KALRN: variants seen among roughly 807,000 people sequenced by gnomAD.
KALRN encodes kalirin RhoGEF kinase, also known as kalirin.
A neutral mutation model predicts 353.7 loss-of-function variants in KALRN; 70 were observed. The observed-to-expected ratio is 0.20, with a 90% CI of 0.16 to 0.24. The LOEUF (loss-of-function observed/expected upper bound fraction) is 0.24, where lower values mean the gene tolerates loss of function less well. KALRN is among the 10% of genes least tolerant of loss of function. The probability of loss-of-function intolerance (pLI) is 1.00; values close to 1 mark genes in which losing one functional copy is unlikely to be tolerated. For missense variants in KALRN, 2,791 were observed against 3,756.7 expected, an observed-to-expected ratio of 0.74 and a Z score of 6.72; for synonymous variants, 1,391 against 1,434.8, an observed-to-expected ratio of 0.97 and a Z score of 0.69.
intron 37 of KALRN, among the ~76,000 whole-genome samples, chr3:124,645,036 G>T (rs995472769): frequency 6.6e-6 from 1 of 152,162 alleles, no homozygotes; most frequent in Admixed American, 6.5e-5. Context: ...GCGTGAGATG[G>T]TATCTTATTG....
At chr3:124,560,128 G>A (rs1464207836) in intron 33 of KALRN, among the ~76,000 whole-genome samples, 4 of 152,236 alleles carry the variant, frequency 2.6e-5, no homozygotes, top group African/African-American at 7.2e-5. Flanking sequence ...CCATGGGTCT[G>A]ATTGTAACCC....
chr3:124,137,385 G>A (rs1355120190), intron 1 of KALRN, among the ~76,000 whole-genome samples: 1 of 152,142 alleles, frequency 6.6e-6, no homozygotes, highest in Non-Finnish European at 1.5e-5. Flanking sequence ...GGTCCTGGCA[G>A]GATGAGTGAG....
intron 34 of KALRN, among the ~76,000 whole-genome samples, chr3:124,620,729 G>A (rs900485426): frequency 2.6e-5 from 4 of 152,170 alleles, no homozygotes; most frequent in African/African-American, 7.2e-5. Context: ...TCAGAGCAGC[G>A]GCCTTGTGTT....
chr3:124,709,290 T>C (rs753258758), intron 57 of KALRN, among the ~76,000 whole-genome samples: 2 of 152,168 alleles, frequency 1.3e-5, no homozygotes, highest in Non-Finnish European at 2.9e-5. Flanking sequence ...TATTTATTTA[T>C]TTATTTAGAC....
chr3:124,033,588 C>G lies in KALRN; in HGVS notation c.-153C>G, dbSNP rs1274456406. On this transcript the variant is annotated 5_prime_UTR_variant, in exon 1 of 60. Coordinates refer to ENST00000682506, the MANE Select transcript of KALRN (RefSeq NM_001388419.1). This position sits in a 1 kb window ranked among gnomAD's most constrained non-coding sequence, Gnocchi z 6.2. ...GAGGCTCAGCGTCCTCTGCCCCAGC[C>G]CCGCCGCCCAACGCCCGCCCTCGAA... Among the ~76,000 whole-genome samples, 1 of 151,458 alleles carries G rather than the reference C, an allele frequency of 6.6e-6. No individual in the cohort carries two copies. Among genetic ancestry groups the G allele is most frequent in the East Asian group, 2.0e-4 (1 of 5,074 alleles).
intron 5 of KALRN, among the ~76,000 whole-genome samples, chr3:124,271,336 G>A (rs2074144730): frequency 6.6e-6 from 1 of 152,148 alleles, no homozygotes; most frequent in Non-Finnish European, 1.5e-5. Flanking sequence ...AAGGACATGG[G>A]AAGCCTGCAT....
chr3:124,408,764 T>A (rs663513), intron 13 of KALRN, among the ~76,000 whole-genome samples: 106,490 of 151,830 alleles, frequency 0.7, 37,678 homozygotes, highest in East Asian at 0.86. Context: ...GCAGATACAG[T>A]TCAAAACATC....
Position 124,280,066 on chromosome 3 carries a change from C to T in KALRN, c.969+10811C>T, listed in dbSNP as rs186599568. Reference sequence around the variant, plus strand: ...AGAGCACAACAGAGAGTCAGAAGTCCATGGAATAACCAGTGGACCACGAGG... The same window carrying T: ...AGAGCACAACAGAGAGTCAGAAGTCTATGGAATAACCAGTGGACCACGAGG... On this transcript the variant is annotated intron_variant, in intron 5 of 59. Coordinates refer to ENST00000682506, the MANE Select transcript of KALRN (RefSeq NM_001388419.1). Among the ~76,000 whole-genome samples the T allele has an allele frequency of 4.6e-4, 70 of 152,290 alleles. No individual in the cohort carries two copies. In the East Asian group the frequency reaches 0.011, roughly 24 times the overall value.
intron 3 of KALRN, among the ~76,000 whole-genome samples, chr3:124,257,595 T>C (rs2072203809): frequency 6.6e-6 from 1 of 152,104 alleles, no homozygotes; most frequent in African/African-American, 2.4e-5. Flanking sequence ...CCCTGGAGAG[T>C]CTATGAAACA....
chr3:124,311,875 T>C (rs376316803), intron 6 of KALRN, among the ~76,000 whole-genome samples: 1 of 152,344 alleles, frequency 6.6e-6, no homozygotes, highest in African/African-American at 2.4e-5. Flanking sequence ...TGAAAACATT[T>C]TGCTAAGTGA....
At chr3:124,117,028 C>G (rs1480570863) in intron 1 of KALRN, among the ~76,000 whole-genome samples, 1 of 152,182 alleles carries the variant, frequency 6.6e-6, no homozygotes, top group Non-Finnish European at 1.5e-5. Context: ...GTTACTCTAT[C>G]CTATTTGGAG....
chr3:124,646,318 T>C (rs2082707631), intron 37 of KALRN, among the ~76,000 whole-genome samples: 1 of 152,016 alleles, frequency 6.6e-6, no homozygotes, highest in Non-Finnish European at 1.5e-5. Context: ...CTCCCTGGAC[T>C]GTTGGAAATC....
At chr3:124,356,623 C>T (rs74281211) in intron 10 of KALRN, among the ~76,000 whole-genome samples, 3,340 of 152,230 alleles carry the variant, frequency 0.022, 126 homozygotes, top group East Asian at 0.1. Context: ...TGTGCGCCAC[C>T]GCACCTGGCC....
intron 10 of KALRN, among the ~76,000 whole-genome samples, chr3:124,360,737 G>T (rs1406154863): frequency 6.6e-6 from 1 of 152,194 alleles, no homozygotes; most frequent in African/African-American, 2.4e-5. Context: ...ATTAAGAGAA[G>T]CAGAATCAAC....
intron 3 of KALRN, among the ~76,000 whole-genome samples, chr3:124,245,866 C>T (rs2081067616): frequency 6.6e-6 from 1 of 152,016 alleles, no homozygotes; most frequent in African/African-American, 2.4e-5. Context: ...AATCAGATTA[C>T]TTATTTTATG....
rs930138523 is a variant in KALRN at position 124,720,166 on chromosome 3, A to G, written c.*696A>G. 6.6e-6 allele frequency: 1 copy of G among 152,626 alleles called. No individual in the cohort carries two copies. The highest frequency in any genetic ancestry group is 2.4e-5 in the African/African-American group (1 of 41,440). 9.5% of individuals were successfully genotyped at this position (152,626 alleles called of 1,614,324 possible). A position where few individuals can be genotyped will look rare whatever the true frequency, so the allele number is the denominator to read the frequency against. ...AGAACCTGTGCATTAAGAGAAAGCAATGTTGCCCTTTTGAATGAGAAAATT... is the reference window on the plus strand; with the variant it reads ...AGAACCTGTGCATTAAGAGAAAGCAGTGTTGCCCTTTTGAATGAGAAAATT... On this transcript the variant is annotated 3_prime_UTR_variant, in exon 60 of 60. Transcript: ENST00000682506.
chr3:124,372,906 C>CGGTTTCAATGGTACATTAGT (rs1553934403), intron 10 of KALRN, among the ~76,000 whole-genome samples: 1 of 151,788 alleles, frequency 6.6e-6, no homozygotes, highest in East Asian at 1.9e-4. Flanking sequence ...CTTGGATGAG[C>CGGTTTCAATGGTACATTAGT]GGTTTCAATG....
chr3:124,281,264 G>A (rs1353115648), intron 5 of KALRN, among the ~76,000 whole-genome samples: 1 of 152,186 alleles, frequency 6.6e-6, no homozygotes, highest in African/African-American at 2.4e-5. Flanking sequence ...TGCTGATGTG[G>A]TGAGAAGATA....
intron 15 of KALRN, among the ~76,000 whole-genome samples, chr3:124,423,973 A>G (rs2092903385): frequency 6.6e-6 from 1 of 152,252 alleles, no homozygotes; most frequent in African/African-American, 2.4e-5. Context: ...AAGTAAAAGT[A>G]TAATAATAGT....
Sources: allele counts gnomAD v4.1 joint callset (sites outside exome capture counted in the v4.1 genomes callset), GRCh38; gene constraint gnomAD v4.1.1; non-coding constraint Gnocchi (gnomAD v3.1); transcripts MANE v1.5; gene names NCBI Gene and HGNC (gene_info 2026-07-23, HGNC 2026-07-21).